Variants in DNAH14 observed in about 807,000 individuals in gnomAD.
DNAH14 encodes the protein axonemal beta dynein heavy chain 14.
In DNAH14, 478 loss-of-function variants were observed where a neutral mutation model predicts 520.9. The ratio of observed to expected loss-of-function variants is 0.92; its 90% CI spans 0.85 to 0.99. DNAH14 has a LOEUF of 0.99. Ranked by LOEUF, DNAH14 falls within the 50% of genes least tolerant of loss-of-function variation. The pLI, the probability that DNAH14 is intolerant of heterozygous loss-of-function variation, is 0.00. For synonymous variants in DNAH14, 1,581 were observed against 1,757.2 expected, an observed-to-expected ratio of 0.90 and a Z score of 2.51; for missense variants, 4,831 against 5,234.5, an observed-to-expected ratio of 0.92 and a Z score of 2.38.
At chr1:225,335,895 A>ATATG (rs1553337182) in intron 66 of DNAH14, among the ~76,000 whole-genome samples, 1 of 104,872 alleles carries the variant, frequency 9.5e-6, no homozygotes, top group Admixed American at 8.6e-5. Context: ...GTACATATAC[A>ATATG]TACATATATG....
intron 10 of DNAH14, among the ~76,000 whole-genome samples, chr1:225,008,575 C>CTTTTT (rs57331050): frequency 1.2e-3 from 117 of 98,278 alleles, no homozygotes; most frequent in East Asian, 5.3e-3. Flanking sequence ...TTTTTCCTGA[C>CTTTTT]TTTTTTTTTT....
chr1:225,387,031 T>G (rs949704688), intron 81 of DNAH14, among the ~76,000 whole-genome samples: 14 of 152,120 alleles, frequency 9.2e-5, no homozygotes, highest in Non-Finnish European at 1.5e-4. Context: ...ATGTGGCACA[T>G]ATACATCATG....
At chr1:225,226,207 C>T (rs945911452) in intron 41 of DNAH14, among the ~76,000 whole-genome samples, 23 of 152,326 alleles carry the variant, frequency 1.5e-4, no homozygotes, top group African/African-American at 5.5e-4. Context: ...CCTCTAATAA[C>T]ATAACTGCTT....
At position 225,073,771 on chromosome 1, in the gene DNAH14, C is replaced by T. The variant is rs560947276; in HGVS notation, c.2425-5436C>T. ...CGCAATCTCGGCTCACTACAACCTC[C>T]GCCTCCCAGATTCAAGCAATTCTCC... is the stretch of plus-strand genomic sequence containing the variant. On this transcript the variant is annotated intron_variant, in intron 17 of 85. Transcript: ENST00000682510. Among the ~76,000 whole-genome samples the T allele has an allele frequency of 1.2e-3, 188 of 152,122 alleles. 1 individual carries two copies. Among genetic ancestry groups the T allele is most frequent in the Non-Finnish European group, 2.2e-3 (147 of 67,988 alleles).
intron 11 of DNAH14, among the ~76,000 whole-genome samples, chr1:225,026,995 ATT>A (rs775221298): frequency 3.6e-4 from 54 of 151,686 alleles, no homozygotes; most frequent in Non-Finnish European, 6.6e-4. Context: ...TTTTGTAAGT[ATT>A]TTATCATTTT....
intron 8 of DNAH14, among the ~76,000 whole-genome samples, chr1:224,975,940 G>C (rs2061801684): frequency 6.6e-6 from 1 of 151,696 alleles, no homozygotes; most frequent in Admixed American, 6.6e-5. Flanking sequence ...TGTTCTCGTT[G>C]GTTTCAAAGA....
At chr1:225,209,536 G>A (rs1243491336) in intron 41 of DNAH14, among the ~76,000 whole-genome samples, 1 of 152,092 alleles carries the variant, frequency 6.6e-6, no homozygotes, top group Non-Finnish European at 1.5e-5. Context: ...ATTGTGAATA[G>A]CTACATTCAA....
chr1:225,351,883 A>C lies in DNAH14; in HGVS notation c.11533A>C (p.Thr3845Pro). Residue 3845 changes from threonine to proline, a missense_variant and splice_region_variant, in exon 72 of 86, where the codon ACT becomes CCT. Transcript: ENST00000682510. The part of the protein sequence containing the change: ...LEENTKPPEE[T>P]ELLNENKETC... Reference sequence around the variant, plus strand: ...GGAAAATACAAAACCACCAGAGGAAAGTAAGAAAGCATTCAGTGTTTTAAC... The same window carrying C: ...GGAAAATACAAAACCACCAGAGGAACGTAAGAAAGCATTCAGTGTTTTAAC... The C allele has an allele frequency of 6.5e-7, 1 of 1,549,552 alleles. No homozygotes were observed. The highest frequency in any genetic ancestry group is 8.7e-7 in the Non-Finnish European group (1 of 1,145,496).
chr1:225,144,734 C>A, intron 29 of DNAH14, 106 bp downstream of exon 29: 1 of 835,414 alleles, frequency 1.2e-6, no homozygotes, highest in Admixed American at 2.8e-5. Flanking sequence ...ATGTTCATTG[C>A]ATTAACAAGC....
At chr1:225,347,422 A>G (rs1160077764) in intron 71 of DNAH14, among the ~76,000 whole-genome samples, 1 of 152,150 alleles carries the variant, frequency 6.6e-6, no homozygotes, top group East Asian at 1.9e-4. Context: ...TTTGTGGTAT[A>G]ATGTGGAACA....
chr1:225,105,339 G>T (rs531005197), intron 23 of DNAH14, among the ~76,000 whole-genome samples: 2 of 152,074 alleles, frequency 1.3e-5, no homozygotes, highest in Non-Finnish European at 1.5e-5. Context: ...GTGCAGTGTG[G>T]TGCTGAGAAG....
At chr1:225,238,149 T>A in intron 42 of DNAH14, among the ~76,000 whole-genome samples, 1 of 152,214 alleles carries the variant, frequency 6.6e-6, no homozygotes, top group East Asian at 1.9e-4. Context: ...CCTAGTTTTG[T>A]GCCTTTGCTG....
At chr1:225,094,731 A>G (rs1057262230) in intron 21 of DNAH14, among the ~76,000 whole-genome samples, 65 of 150,188 alleles carry the variant, frequency 4.3e-4, no homozygotes, top group Non-Finnish European at 2.4e-4. Context: ...CAGACAACCT[A>G]TAGCATGGGA....
At chr1:225,136,741 A>G (rs1407661974) in intron 27 of DNAH14, among the ~76,000 whole-genome samples, 9 of 152,168 alleles carry the variant, frequency 5.9e-5, no homozygotes, top group Admixed American at 5.2e-4. Context: ...ATGCTGAAGT[A>G]CGTTTTCCAA....
intron 38 of DNAH14, among the ~76,000 whole-genome samples, chr1:225,202,421 G>A (rs2086962891): frequency 6.6e-6 from 1 of 152,118 alleles, no homozygotes; most frequent in Admixed American, 6.6e-5. Context: ...TATGTTCCTA[G>A]GAGGATTATG....
chr1:225,351,044 T>C (rs2406111), intron 71 of DNAH14, among the ~76,000 whole-genome samples: 62,030 of 151,970 alleles, frequency 0.41, 13,214 homozygotes, highest in East Asian at 0.62. Context: ...CATAACCAAC[T>C]AGAGTTTATT....
intron 2 of DNAH14, chr1:224,953,003 T>A (rs971237252): frequency 6.3e-6 from 2 of 315,078 alleles, no homozygotes; most frequent in Non-Finnish European, 1.2e-5. Flanking sequence ...ACCTTGGATA[T>A]GCCAAAAAAG....
chr1:225,344,621 G>A (rs185817090), intron 69 of DNAH14, among the ~76,000 whole-genome samples: 2 of 152,218 alleles, frequency 1.3e-5, no homozygotes, highest in East Asian at 3.9e-4. Flanking sequence ...TCTTCATCCA[G>A]TCTATCATTG....
intron 64 of DNAH14, among the ~76,000 whole-genome samples, chr1:225,325,499 A>T (rs1401661593): frequency 6.6e-6 from 1 of 151,232 alleles, no homozygotes; most frequent in Non-Finnish European, 1.5e-5. Context: ...AAAAAAAAAA[A>T]TATCCAACTG....
Sources: gnomAD v4.1 joint callset for allele counts (sites outside exome capture counted in the v4.1 genomes callset) on GRCh38, gnomAD v4.1.1 for gene constraint, MANE v1.5 for transcripts, NCBI Gene and HGNC (gene_info 2026-07-23, HGNC 2026-07-21) for gene names.